Variants in CNTN5 observed in about 807,000 individuals in gnomAD.
CNTN5 encodes contactin-5.
Under a neutral mutation model 129.1 loss-of-function variants are expected in CNTN5, and 77 were observed. The observed-to-expected ratio is 0.60, with a 90% CI of 0.50 to 0.72. The LOEUF (loss-of-function observed/expected upper bound fraction) is 0.72. CNTN5 is among the 30% of genes least tolerant of loss of function. The probability of loss-of-function intolerance (pLI) is 0.00; values close to 1 mark genes in which losing one functional copy is unlikely to be tolerated. For missense variants in CNTN5, 1,478 were observed against 1,328.8 expected (o/e 1.11, Z -1.75); for synonymous variants, 509 against 465.6 (o/e 1.09, Z -1.20).
chr11:99,099,276 A>T (rs1363338514), intron 1 of CNTN5, among the ~76,000 whole-genome samples: 12 of 152,136 alleles, frequency 7.9e-5, no homozygotes, highest in African/African-American at 2.9e-4. Context: ...TATTAGTATA[A>T]AAGTAAATTC....
At chr11:99,915,936 A>G in intron 6 of CNTN5, 118 bp from the exon 7 acceptor site, 1 of 736,362 alleles carries the variant, frequency 1.4e-6, no homozygotes, top group Non-Finnish European at 2.3e-6. Context: ...CTTGTCACTG[A>G]TTAACAAACA....
intron 2 of CNTN5, among the ~76,000 whole-genome samples, chr11:99,437,667 A>G (rs1943654472): frequency 6.6e-6 from 1 of 152,102 alleles, no homozygotes; most frequent in East Asian, 1.9e-4. Flanking sequence ...ATCGCTACTA[A>G]AAATACAAAA....
chr11:100,073,513 G>A (rs1944011266), intron 12 of CNTN5, among the ~76,000 whole-genome samples: 1 of 151,656 alleles, frequency 6.6e-6, no homozygotes, highest in African/African-American at 2.4e-5. Flanking sequence ...CTGTGGACTT[G>A]TAGACATCTT....
chr11:99,841,238 T>C (rs138466967), intron 4 of CNTN5, among the ~76,000 whole-genome samples: 2 of 152,172 alleles, frequency 1.3e-5, no homozygotes, highest in African/African-American at 4.8e-5. Flanking sequence ...TCTCACAAAG[T>C]ATGGGCAGTA....
intron 18 of CNTN5, among the ~76,000 whole-genome samples, chr11:100,280,375 A>C (rs1950609767): frequency 6.6e-6 from 1 of 151,684 alleles, no homozygotes; most frequent in South Asian, 2.1e-4. Context: ...TTGAGTGCAC[A>C]TGTATTTCAA....
chr11:99,195,440 A>G (rs892494806), intron 1 of CNTN5, among the ~76,000 whole-genome samples: 2 of 152,114 alleles, frequency 1.3e-5, no homozygotes, highest in Non-Finnish European at 2.9e-5. Flanking sequence ...AAATTTATTA[A>G]TATCAGCAAT....
rs190260111 is a variant in CNTN5 at position 99,954,668 on chromosome 11, A to G, written c.674-2138A>G. Among the ~76,000 whole-genome samples the G allele has an allele frequency of 4.2e-3, 633 of 152,298 alleles. 2 individuals are homozygous for G. The highest frequency in any genetic ancestry group is 0.015 in the African/African-American group (605 of 41,574). On this transcript the variant is annotated intron_variant, in intron 7 of 24. Coordinates refer to ENST00000524871, the MANE Select transcript of CNTN5 (RefSeq NM_014361.4). ...TGAAGGCAATATTAAATAAATGTGA[A>G]TAGATAATTGAAAACCTTATAGGAG...
At chr11:99,442,939 T>C (rs764907325) in intron 2 of CNTN5, among the ~76,000 whole-genome samples, 1 of 152,268 alleles carries the variant, frequency 6.6e-6, no homozygotes, top group Non-Finnish European at 1.5e-5. Flanking sequence ...GCCAGACTTA[T>C]ACATGTCTCC....
intron 1 of CNTN5, among the ~76,000 whole-genome samples, chr11:99,105,743 T>A (rs1051982642): frequency 6.6e-6 from 1 of 152,064 alleles, no homozygotes; most frequent in African/African-American, 2.4e-5. Context: ...GAGTCTGGGG[T>A]AATGCGATTC....
At chr11:100,289,436 G>A (rs1950895186) in intron 18 of CNTN5, among the ~76,000 whole-genome samples, 3 of 150,662 alleles carry the variant, frequency 2.0e-5, no homozygotes, top group South Asian at 4.2e-4. Context: ...TCACCCCTGG[G>A]ATGCAAGGCT....
intron 1 of CNTN5, among the ~76,000 whole-genome samples, chr11:99,241,060 G>T (rs1247602005): frequency 2.0e-5 from 3 of 152,156 alleles, no homozygotes; most frequent in Non-Finnish European, 4.4e-5. Flanking sequence ...TAATCTTATA[G>T]AAGGTATTTT....
chr11:99,417,145 C>A (rs1160474681), intron 2 of CNTN5, among the ~76,000 whole-genome samples: 1 of 152,044 alleles, frequency 6.6e-6, no homozygotes, highest in Admixed American at 6.6e-5. Context: ...GTTAAAAAAA[C>A]CCAACTTGGT....
At chr11:99,846,598 G>T (rs1024005455) in intron 6 of CNTN5, among the ~76,000 whole-genome samples, 1 of 151,932 alleles carries the variant, frequency 6.6e-6, no homozygotes, top group Non-Finnish European at 1.5e-5. Flanking sequence ...TAATTAAAGT[G>T]TAATTGTAGT....
At chr11:99,365,555 T>C (rs775496612) in intron 2 of CNTN5, among the ~76,000 whole-genome samples, 1 of 152,186 alleles carries the variant, frequency 6.6e-6, no homozygotes, top group Admixed American at 6.6e-5. Flanking sequence ...CCAATTCATT[T>C]CATTTCATTT....
At chr11:99,626,238 G>A (rs1951128240) in intron 3 of CNTN5, among the ~76,000 whole-genome samples, 1 of 152,056 alleles carries the variant, frequency 6.6e-6, no homozygotes, top group African/African-American at 2.4e-5. Context: ...ATTTTCTGTA[G>A]GGGACTAATG....
chr11:99,061,405 C>A (rs947109347), intron 1 of CNTN5, among the ~76,000 whole-genome samples: 1 of 151,940 alleles, frequency 6.6e-6, no homozygotes, highest in African/African-American at 2.4e-5. Context: ...AATCTGATTC[C>A]GCCCAACTGA....
At chr11:99,694,752 A>T (rs970219675) in intron 3 of CNTN5, among the ~76,000 whole-genome samples, 1 of 151,940 alleles carries the variant, frequency 6.6e-6, no homozygotes, top group African/African-American at 2.4e-5. Flanking sequence ...TTCTACTTAT[A>T]TAAGAGTGAG....
rs1257855158 is a variant in CNTN5, at chr11:100,070,624, T to A, written c.1299+64T>A. Reference sequence around the variant, plus strand: ...TAGCGAGATTTCACACAGGACAAACTAGGCTTCTTTAGTCTTATTGAAAGC... The same window carrying A: ...TAGCGAGATTTCACACAGGACAAACAAGGCTTCTTTAGTCTTATTGAAAGC... On this transcript the variant is annotated intron_variant, in intron 11 of 24. Coordinates refer to ENST00000524871, the MANE Select transcript of CNTN5 (RefSeq NM_014361.4). The A allele has an allele frequency of 4.7e-6, 7 of 1,483,298 alleles. No individual in the cohort carries two copies. The Admixed American group carries it at 1.2e-4, about 26-fold the overall frequency. 91.9% of individuals were successfully genotyped at this position (1,483,298 alleles called of 1,614,324 possible). A position where few individuals can be genotyped will look rare whatever the true frequency, so the allele number is the denominator to read the frequency against.
chr11:100,229,348 T>C (rs1399279324), intron 16 of CNTN5, among the ~76,000 whole-genome samples: 26 of 152,222 alleles, frequency 1.7e-4, no homozygotes, highest in Admixed American at 1.7e-3. Context: ...CCAAACTATA[T>C]AATTTAATTC....
Sources: allele counts gnomAD v4.1 joint callset (sites outside exome capture counted in the v4.1 genomes callset), GRCh38; gene constraint gnomAD v4.1.1; transcripts MANE v1.5; gene names NCBI Gene and HGNC (gene_info 2026-07-23, HGNC 2026-07-21).